Variants in MAML3 observed in about 807,000 individuals in gnomAD.
The protein encoded by MAML3 is mastermind-like protein 3.
MAML3 carries 27 observed loss-of-function variants against 101.9 expected under a neutral mutation model. That is an observed-to-expected ratio of 0.27 (90% confidence interval 0.20 to 0.37). The LOEUF is 0.37. MAML3 is among the 10% of genes least tolerant of loss of function. The probability of loss-of-function intolerance (pLI) is 1.00; values close to 1 mark genes in which losing one functional copy is unlikely to be tolerated. For synonymous variants in MAML3, 501 were observed against 555.9 expected (o/e 0.90, Z 1.39); for missense variants, 1,316 against 1,444.9 (o/e 0.91, Z 1.45).
chr4:140,001,336 C>A (rs1734919951), intron 1 of MAML3, among the ~76,000 whole-genome samples: 2 of 152,146 alleles, frequency 1.3e-5, no homozygotes, highest in South Asian at 4.1e-4. Context: ...CCCATATATC[C>A]TGATAACTGT....
At chr4:139,913,590 A>T (rs947461564) in intron 1 of MAML3, among the ~76,000 whole-genome samples, 2 of 152,020 alleles carry the variant, frequency 1.3e-5, no homozygotes, top group African/African-American at 2.4e-5. Flanking sequence ...TCGGTTATGT[A>T]CTCCTGGGTG....
intron 1 of MAML3, among the ~76,000 whole-genome samples, chr4:140,025,687 G>A (rs1321817279): frequency 6.6e-6 from 1 of 152,148 alleles, no homozygotes; most frequent in Non-Finnish European, 1.5e-5. Flanking sequence ...TGCCAACATT[G>A]TTTCAGGAAG....
At chr4:140,045,455 T>C (rs1043553763) in intron 1 of MAML3, among the ~76,000 whole-genome samples, 1 of 151,934 alleles carries the variant, frequency 6.6e-6, no homozygotes, top group Non-Finnish European at 1.5e-5. Context: ...TTTTTGTTTG[T>C]TTGTTTTTTT....
intron 1 of MAML3, among the ~76,000 whole-genome samples, chr4:139,977,592 G>A (rs1734365109): frequency 1.3e-5 from 2 of 152,134 alleles, no homozygotes; most frequent in African/African-American, 4.8e-5. Flanking sequence ...GGATGTTCTG[G>A]CCAGGCGCGG....
intron 2 of MAML3, among the ~76,000 whole-genome samples, chr4:139,789,642 T>C (rs757788543): frequency 5.9e-5 from 9 of 152,158 alleles, no homozygotes; most frequent in Non-Finnish European, 1.2e-4. Flanking sequence ...CTGTAAGTAC[T>C]GAGGAGCCAC....
intron 2 of MAML3, among the ~76,000 whole-genome samples, chr4:139,737,210 G>GA (rs1272507732): frequency 1.3e-5 from 2 of 152,138 alleles, no homozygotes; most frequent in African/African-American, 4.8e-5. Context: ...CCCTCTGATT[G>GA]AAAGAGTTCT....
At chr4:139,784,442 AC>A (rs1382347029) in intron 2 of MAML3, among the ~76,000 whole-genome samples, 4 of 152,070 alleles carry the variant, frequency 2.6e-5, no homozygotes, top group Non-Finnish European at 5.9e-5. Context: ...CTCTGGGCTT[AC>A]TTGCGAGGCT....
chr4:140,125,760 A>T (rs888455656), intron 1 of MAML3, among the ~76,000 whole-genome samples: 1 of 151,946 alleles, frequency 6.6e-6, no homozygotes, highest in Non-Finnish European at 1.5e-5. Context: ...GCCCAGCCAT[A>T]AGGTACAGGT....
chr4:139,750,531 G>GTTACTGAT (rs1444068366), intron 2 of MAML3, among the ~76,000 whole-genome samples: 1 of 152,158 alleles, frequency 6.6e-6, no homozygotes, highest in African/African-American at 2.4e-5. Context: ...GAATTTGAGA[G>GTTACTGAT]TTACTGATTG....
chr4:140,128,826 G>C (rs886613922), intron 1 of MAML3, among the ~76,000 whole-genome samples: 1 of 152,214 alleles, frequency 6.6e-6, no homozygotes, highest in Admixed American at 6.5e-5. Flanking sequence ...CCCTGTCCTT[G>C]AGGTCAGGGC....
chr4:140,152,847 C>G lies in MAML3; in HGVS notation c.468+13G>C, dbSNP rs751448329. 6 of 1,604,532 alleles carry G rather than the reference C, an allele frequency of 3.7e-6. No homozygotes were observed. The highest frequency in any genetic ancestry group is 4.3e-6 in the Non-Finnish European group (5 of 1,175,022). On this transcript the variant is annotated intron_variant, in intron 1 of 4. Coordinates refer to ENST00000509479, the MANE Select transcript of MAML3 (RefSeq NM_018717.5). ...CAACGCGCGCCGCAAGCCCGCTGCC[C>G]GTGCGCCCTCACCATGATCAGCGTG...
At chr4:139,940,856 A>G (rs144104067) in intron 1 of MAML3, among the ~76,000 whole-genome samples, 6 of 152,344 alleles carry the variant, frequency 3.9e-5, no homozygotes, top group African/African-American at 7.2e-5. Flanking sequence ...GCACATGGAG[A>G]CATAATACCA....
chr4:140,135,248 C>T (rs1198653435), intron 1 of MAML3, among the ~76,000 whole-genome samples: 1 of 152,204 alleles, frequency 6.6e-6, no homozygotes, highest in Non-Finnish European at 1.5e-5. Context: ...TAGACGAATA[C>T]TCTATCTCCT....
chr4:140,019,877 C>T (rs1043298590), intron 1 of MAML3, among the ~76,000 whole-genome samples: 6 of 152,218 alleles, frequency 3.9e-5, no homozygotes, highest in South Asian at 4.1e-4. Flanking sequence ...ATTTATATGA[C>T]GAAATATTAA....
At chr4:139,764,011 A>G (rs1729805677) in intron 2 of MAML3, among the ~76,000 whole-genome samples, 1 of 152,222 alleles carries the variant, frequency 6.6e-6, no homozygotes, top group South Asian at 2.1e-4. Flanking sequence ...AGGCTCTGAG[A>G]TTCCAAAAAG....
At chr4:139,982,574 G>C (rs1036134802) in intron 1 of MAML3, among the ~76,000 whole-genome samples, 21 of 152,246 alleles carry the variant, frequency 1.4e-4, no homozygotes, top group Non-Finnish European at 2.4e-4. Context: ...ACATAGGTTA[G>C]CATATGATAC....
intron 1 of MAML3, among the ~76,000 whole-genome samples, chr4:139,902,240 C>T (rs1175900178): frequency 1.6e-5 from 2 of 129,006 alleles, no homozygotes; most frequent in South Asian, 2.7e-4. Flanking sequence ...CACACGCAGG[C>T]GCGCACGCAC....
intron 2 of MAML3, among the ~76,000 whole-genome samples, chr4:139,846,378 ACT>A (rs1307407049): frequency 6.6e-6 from 1 of 152,010 alleles, no homozygotes; most frequent in Non-Finnish European, 1.5e-5. Context: ...ACAGGGTCTC[ACT>A]CTGTCACCCA....
intron 1 of MAML3, among the ~76,000 whole-genome samples, chr4:139,905,770 C>T (rs1732813503): frequency 6.6e-6 from 1 of 152,160 alleles, no homozygotes; most frequent in African/African-American, 2.4e-5. Flanking sequence ...GCACTCATTC[C>T]TGGCATCTTC....
Sources: allele counts gnomAD v4.1 joint callset (sites outside exome capture counted in the v4.1 genomes callset), GRCh38; gene constraint gnomAD v4.1.1; transcripts MANE v1.5; gene names NCBI Gene and HGNC (gene_info 2026-07-23, HGNC 2026-07-21).